DGKG: variants seen among roughly 807,000 people sequenced by gnomAD.
DGKG encodes DAG kinase gamma.
Under a neutral mutation model 105.3 loss-of-function variants are expected in DGKG, and 78 were observed. The observed-to-expected ratio is 0.74, with a 90% CI of 0.62 to 0.89. The LOEUF (loss-of-function observed/expected upper bound fraction) is 0.89, where lower values mean the gene tolerates loss of function less well. Among genes scored for constraint, DGKG ranks in the 40% least tolerant of loss-of-function variants. The pLI is 0.00. For synonymous variants in DGKG, 346 were observed against 367.1 expected, an observed-to-expected ratio of 0.94 and a Z score of 0.66; for missense variants, 958 against 1,020.1, an observed-to-expected ratio of 0.94 and a Z score of 0.83.
chr3:186,326,397 T>TCAAAAAAAAAAAAAAAAAA (rs1560156258), intron 1 of DGKG, among the ~76,000 whole-genome samples: 2 of 149,614 alleles, frequency 1.3e-5, no homozygotes, highest in African/African-American at 5.0e-5. Context: ...AGACACTGTC[T>TCAAAAAAAAAAAAAAAAAA]TAAAAAAAAA....
intron 21 of DGKG, among the ~76,000 whole-genome samples, 155 bp from the exon 22 acceptor site, chr3:186,188,534 TG>T (rs1717752432): frequency 1.3e-5 from 2 of 152,138 alleles, no homozygotes; most frequent in African/African-American, 2.4e-5. Context: ...AGAGAAATCA[TG>T]GGCAAAGTCG....
At chr3:186,274,177 CTTTT>C (rs1377093655) in intron 10 of DGKG, among the ~76,000 whole-genome samples, 10 of 151,880 alleles carry the variant, frequency 6.6e-5, no homozygotes, top group Admixed American at 3.3e-4. Context: ...ATGTAAAATG[CTTTT>C]TTTGTTTGTT....
intron 3 of DGKG, 127 bp from the exon 4 acceptor site, chr3:186,298,356 A>C (rs1240507345): frequency 3.5e-6 from 3 of 849,680 alleles, no homozygotes; most frequent in Non-Finnish European, 5.3e-6. Flanking sequence ...GACATGGAGG[A>C]GCTGATGGGG....
intron 3 of DGKG, among the ~76,000 whole-genome samples, chr3:186,299,794 T>C (rs967562983): frequency 2.3e-5 from 2 of 85,268 alleles, no homozygotes; most frequent in African/African-American, 9.6e-5. Flanking sequence ...TCTTTCTTTC[T>C]TTCTTTCTTT....
In DGKG at chr3:186,195,103, TA is replaced by T. The variant is rs3831854; in HGVS notation, c.1918-6725del. On this transcript the variant is annotated intron_variant, in intron 21 of 24. Transcript: ENST00000265022. ...CTGGGCGATAGAGCGAGACTCTGTA[TA>T]AAAAAAAAATTATGGGTATTTTCAA... 1.6e-3 allele frequency among the ~76,000 whole-genome samples: 245 copies of T among 149,842 alleles called. 1 individual carries two copies. Among genetic ancestry groups the T allele is most frequent in the Middle Eastern group, 3.4e-3 (1 of 292 alleles).
intron 13 of DGKG, among the ~76,000 whole-genome samples, chr3:186,267,324 T>G (rs184778662): frequency 6.6e-6 from 1 of 152,252 alleles, no homozygotes; most frequent in Admixed American, 6.5e-5. Context: ...TGGCAACAGT[T>G]TAGTCAGAGA....
chr3:186,205,739 C>G (rs1422633790), intron 21 of DGKG, among the ~76,000 whole-genome samples: 3 of 151,642 alleles, frequency 2.0e-5, no homozygotes, highest in Non-Finnish European at 4.4e-5. Flanking sequence ...ACCACAACAA[C>G]AAAAAATGGA....
At chr3:186,198,075 T>A (rs574332416) in intron 21 of DGKG, among the ~76,000 whole-genome samples, 1 of 152,368 alleles carries the variant, frequency 6.6e-6, no homozygotes, top group South Asian at 2.1e-4. Context: ...TGGCATGTCT[T>A]ACCCATATCA....
At chr3:186,333,674 T>C (rs1314637301) in intron 1 of DGKG, among the ~76,000 whole-genome samples, 2 of 151,850 alleles carry the variant, frequency 1.3e-5, no homozygotes, top group Non-Finnish European at 2.9e-5. Flanking sequence ...AAACCAAAAA[T>C]CCAAGAAGGT....
In DGKG at chr3:186,147,249, AG is replaced by A. The variant is rs1418899977; in HGVS notation, c.*2840del. Reference sequence around the variant, plus strand: ...CTGTTGGGGTAGAAGCATGGGGGGCAGGTGAGAACATGTTTGTAGCATGGCC... The same window carrying A: ...CTGTTGGGGTAGAAGCATGGGGGGCAGTGAGAACATGTTTGTAGCATGGCC... On this transcript the variant is annotated 3_prime_UTR_variant, in exon 25 of 25. Transcript: ENST00000265022. 1.0e-6 allele frequency: 1 copy of A among 985,876 alleles called. No individual in the cohort carries two copies. Among genetic ancestry groups the A allele is most frequent in the African/African-American group, 1.7e-5 (1 of 57,248 alleles). 61.1% of individuals were successfully genotyped at this position (985,876 alleles called of 1,614,324 possible). A position where few individuals can be genotyped will look rare whatever the true frequency, so the allele number is the denominator to read the frequency against.
chr3:186,342,041 A>G (rs1325653479), intron 1 of DGKG, among the ~76,000 whole-genome samples: 1 of 152,242 alleles, frequency 6.6e-6, no homozygotes, highest in Non-Finnish European at 1.5e-5. Context: ...GAGGAGGGAT[A>G]GCACTGGGAG....
At position 186,297,068 on chromosome 3, in the gene DGKG, T is replaced by TCTCACA. The variant is rs1452573661; in HGVS notation, c.373+352_373+353insTGTGAG. 9.3e-4 allele frequency among the ~76,000 whole-genome samples: 121 copies of TCTCACA among 130,502 alleles called. 1 individual carries two copies. Among genetic ancestry groups the TCTCACA allele is most frequent in the African/African-American group, 2.7e-3 (94 of 34,682 alleles). The allele number at this position is 130,502 out of a possible 152,430, so 85.6% of individuals were successfully genotyped here. A position where few individuals can be genotyped will look rare whatever the true frequency, so the allele number is the denominator to read the frequency against. ...CTCTCTGTCTGTCTGTCTGTCTCTC[T>TCTCACA]CACACACACACACACACACACACAC... On this transcript the variant is annotated intron_variant, in intron 5 of 24. Transcript: ENST00000265022.
At chr3:186,304,966 G>A (rs1305926390) in intron 3 of DGKG, among the ~76,000 whole-genome samples, 1 of 152,208 alleles carries the variant, frequency 6.6e-6, no homozygotes, top group Non-Finnish European at 1.5e-5. Flanking sequence ...GCCCAGTACA[G>A]TGCATAGAAG....
chr3:186,320,530 GC>G lies in DGKG; in HGVS notation c.-72del, dbSNP rs1387481238. On this transcript the variant is annotated 5_prime_UTR_variant, in exon 2 of 25. The change abolishes the stop of an existing upstream ORF in the 5' untranslated region. Coordinates refer to ENST00000265022, the MANE Select transcript of DGKG (RefSeq NM_001346.3). Reference sequence around the variant, plus strand: ...TTCACTAGGCTGAAGTGGAGGCCCAGCCCAGGGCCTGGCTCATTGCAGGTTT... The same window carrying G: ...TTCACTAGGCTGAAGTGGAGGCCCAGCCAGGGCCTGGCTCATTGCAGGTTT... The G allele has an allele frequency of 6.2e-7, 1 of 1,612,302 alleles. No homozygotes were observed. The highest frequency in any genetic ancestry group is 8.5e-7 in the Non-Finnish European group (1 of 1,178,938).
intron 24 of DGKG, among the ~76,000 whole-genome samples, chr3:186,152,738 A>G (rs981884917): frequency 6.6e-6 from 1 of 152,070 alleles, no homozygotes; most frequent in Non-Finnish European, 1.5e-5. Flanking sequence ...ATCTCGGCTC[A>G]CTGCAACCTC....
intron 20 of DGKG, among the ~76,000 whole-genome samples, chr3:186,241,034 A>G (rs1172888754): frequency 6.6e-6 from 1 of 152,094 alleles, no homozygotes; most frequent in African/African-American, 2.4e-5. Flanking sequence ...TGTGAGAGCA[A>G]GAAGATGCTG....
rs1446329289 is a variant in DGKG at position 186,331,832 on chromosome 3, C to T, written c.-248-11125G>A. On this transcript the variant is annotated intron_variant, in intron 1 of 24. Coordinates refer to ENST00000265022, the MANE Select transcript of DGKG (RefSeq NM_001346.3). ...TGTAATAACAAGCAATAGCAGCAAC[C>T]TCCATTTATAGATTGCAACACATCT... Among the ~76,000 whole-genome samples, 5 of 152,326 alleles carry T rather than the reference C, an allele frequency of 3.3e-5. No individual in the cohort carries two copies. The South Asian group carries it at 8.3e-4, about 25-fold the overall frequency.
intron 22 of DGKG, among the ~76,000 whole-genome samples, chr3:186,167,765 TCAC>T: frequency 3.1e-5 from 1 of 32,492 alleles, no homozygotes; most frequent in African/African-American, 7.4e-5. Context: ...AGGAATTCAC[TCAC>T]TCACTCACTC....
intron 7 of DGKG, among the ~76,000 whole-genome samples, chr3:186,283,269 T>A (rs1336943710): frequency 1.3e-5 from 2 of 152,032 alleles, no homozygotes; most frequent in Non-Finnish European, 2.9e-5. Flanking sequence ...CCTACCCCCA[T>A]CCCATGACTT....
Sources: allele counts gnomAD v4.1 joint callset (sites outside exome capture counted in the v4.1 genomes callset), GRCh38; gene constraint gnomAD v4.1.1; transcripts MANE v1.5; gene names NCBI Gene and HGNC (gene_info 2026-07-23, HGNC 2026-07-21).